The following FTO variants were observed in gnomAD, a reference collection of about 807,000 sequenced individuals.
FTO encodes FTO alpha-ketoglutarate dependent dioxygenase, also known as alpha-ketoglutarate-dependent dioxygenase FTO.
Under a neutral mutation model 63.9 loss-of-function variants are expected in FTO, and 47 were observed. The observed-to-expected ratio is 0.74, with a 90% CI of 0.58 to 0.94. The LOEUF is 0.94. Among genes scored for constraint, FTO ranks in the 40% least tolerant of loss-of-function variants. FTO has a pLI of 0.00. For synonymous variants in FTO, 207 were observed against 224.4 expected, an observed-to-expected ratio of 0.92 and a Z score of 0.69; for missense variants, 562 against 618.1, an observed-to-expected ratio of 0.91 and a Z score of 0.96.
intron 1 of FTO, among the ~76,000 whole-genome samples, chr16:53,808,235 G>T (rs1313732231): frequency 6.6e-6 from 1 of 151,964 alleles, no homozygotes; most frequent in African/African-American, 2.4e-5. Context: ...TTGCGAGGCT[G>T]AGTTGGGAGA....
chr16:53,951,703 T>A (rs1445578201), intron 8 of FTO, among the ~76,000 whole-genome samples: 4 of 152,202 alleles, frequency 2.6e-5, no homozygotes, highest in Non-Finnish European at 5.9e-5. Context: ...CAAAAACTGA[T>A]TCCTCCTGTC....
chr16:54,048,124 ATT>A (rs1299654856), intron 8 of FTO, among the ~76,000 whole-genome samples: 27 of 100,130 alleles, frequency 2.7e-4, no homozygotes, highest in East Asian at 9.3e-4. Context: ...AAAAAAAAAA[ATT>A]AAAAAAAAAA....
chr16:54,108,377 C>T (rs1423402656), intron 8 of FTO, among the ~76,000 whole-genome samples: 1 of 152,130 alleles, frequency 6.6e-6, no homozygotes, highest in Non-Finnish European at 1.5e-5. Flanking sequence ...AACATTTTAG[C>T]CTGACACTGG....
chr16:53,785,773 G>A (rs2077718803), intron 1 of FTO, among the ~76,000 whole-genome samples: 1 of 152,026 alleles, frequency 6.6e-6, no homozygotes, highest in Non-Finnish European at 1.5e-5. Flanking sequence ...AGCTGGGCGT[G>A]GTGACATGCG....
chr16:53,781,976 T>TA (rs1339510889), intron 1 of FTO, among the ~76,000 whole-genome samples: 4 of 152,160 alleles, frequency 2.6e-5, no homozygotes, highest in African/African-American at 7.2e-5. Flanking sequence ...ATATGACAAT[T>TA]AAAGAGAGAG....
Position 53,909,532 on chromosome 16 carries a change from C to CTTTTT in FTO, c.1239+20607_1239+20611dup, listed in dbSNP as rs58121446. The stretch of plus-strand genomic sequence containing the variant: ...GAAAAAGAGGGACAGAGAGCCCCGC[C>CTTTTT]TTTTTTTTTTTTTTTTTTTTTTTTT... On this transcript the variant is annotated intron_variant, in intron 7 of 8. Coordinates refer to ENST00000471389, the MANE Select transcript of FTO (RefSeq NM_001080432.3). Among the ~76,000 whole-genome samples, 129 of 71,176 alleles carry CTTTTT rather than the reference C, an allele frequency of 1.8e-3. 7 individuals carry two copies. The highest frequency in any genetic ancestry group is 8.3e-3 in the African/African-American group (120 of 14,538). The allele number at this position is 71,176 out of a possible 152,430, so 46.7% of individuals were successfully genotyped here. A position where few individuals can be genotyped will look rare whatever the true frequency, so the allele number is the denominator to read the frequency against.
At chr16:53,925,039 CTTCTTTTTTTTCTTTCT>C (rs2082104809) in intron 7 of FTO, among the ~76,000 whole-genome samples, 2 of 143,296 alleles carry the variant, frequency 1.4e-5, no homozygotes, top group South Asian at 2.2e-4. Context: ...CTGTGCCTTT[CTTCTTTTTTTTCTTTCT>C]TTCTTTTTTT....
chr16:53,857,422 A>G (rs1030433234), intron 4 of FTO, among the ~76,000 whole-genome samples: 1 of 149,248 alleles, frequency 6.7e-6, no homozygotes, highest in African/African-American at 2.5e-5. Context: ...TACTACTACT[A>G]AGCTTTTTGA....
At chr16:53,849,729 TG>T (rs1324339864) in intron 4 of FTO, among the ~76,000 whole-genome samples, 1 of 152,220 alleles carries the variant, frequency 6.6e-6, no homozygotes, top group East Asian at 1.9e-4. Flanking sequence ...TAAATTGCCA[TG>T]CTTCTGTTTT....
intron 1 of FTO, among the ~76,000 whole-genome samples, chr16:53,719,253 C>CTTTTTTTTTTTTTTTTTTTTTTTTTTTT (rs10527186): frequency 1.5e-5 from 2 of 135,650 alleles, no homozygotes; most frequent in Admixed American, 7.2e-5. Context: ...TCTTCTTCTT[C>CTTTTTTTTTTTTTTTTTTTTTTTTTTTT]TTTTTTTTTT....
intron 1 of FTO, among the ~76,000 whole-genome samples, chr16:53,707,360 C>T (rs1242264999): frequency 6.6e-6 from 1 of 152,164 alleles, no homozygotes; most frequent in Non-Finnish European, 1.5e-5. Flanking sequence ...TAAAAGGATG[C>T]CAGTCATTGG....
chr16:53,740,918 G>A (rs979199746), intron 1 of FTO, among the ~76,000 whole-genome samples: 80 of 152,106 alleles, frequency 5.3e-4, no homozygotes, highest in African/African-American at 1.9e-3. Flanking sequence ...TAATCACTCC[G>A]GACATTTTGG....
intron 7 of FTO, among the ~76,000 whole-genome samples, chr16:53,930,425 G>A (rs1480077232): frequency 2.0e-5 from 3 of 151,486 alleles, no homozygotes; most frequent in Non-Finnish European, 2.9e-5. Flanking sequence ...GGGTTTCACC[G>A]TGTTAGCCAG....
At chr16:53,864,455 A>G (rs979384291) in intron 4 of FTO, among the ~76,000 whole-genome samples, 26 of 152,160 alleles carry the variant, frequency 1.7e-4, no homozygotes, top group African/African-American at 5.1e-4. Flanking sequence ...GTGAACATGA[A>G]TTGGTTACCC....
intron 8 of FTO, among the ~76,000 whole-genome samples, chr16:54,014,947 C>T (rs2084404508): frequency 6.6e-6 from 1 of 151,198 alleles, no homozygotes; most frequent in Admixed American, 6.6e-5. Flanking sequence ...CCTCCAACTC[C>T]TAGCCCCAAG....
intron 1 of FTO, among the ~76,000 whole-genome samples, chr16:53,748,661 G>A (rs997789973): frequency 1.8e-4 from 27 of 152,144 alleles, no homozygotes; most frequent in African/African-American, 5.6e-4. Flanking sequence ...TCGCCATGTT[G>A]GCCAGGCTGG....
At chr16:53,940,726 A>T (rs961231539) in intron 8 of FTO, among the ~76,000 whole-genome samples, 13 of 152,222 alleles carry the variant, frequency 8.5e-5, no homozygotes, top group African/African-American at 2.7e-4. Context: ...TTTCTTCGAA[A>T]AGCTTTTAGA....
At chr16:53,762,370 TG>T (rs2077092169) in intron 1 of FTO, among the ~76,000 whole-genome samples, 1 of 152,156 alleles carries the variant, frequency 6.6e-6, no homozygotes, top group Non-Finnish European at 1.5e-5. Context: ...TTTCTGTGAG[TG>T]CTTACTGACC....
intron 1 of FTO, among the ~76,000 whole-genome samples, chr16:53,772,096 TTGTG>T (rs2077353698): frequency 6.6e-6 from 1 of 152,036 alleles, no homozygotes; most frequent in South Asian, 2.1e-4. Flanking sequence ...AAGGGGAAAA[TTGTG>T]TGGTATGTTA....
Sources: allele counts gnomAD v4.1 joint callset (sites outside exome capture counted in the v4.1 genomes callset), GRCh38; gene constraint gnomAD v4.1.1; transcripts MANE v1.5; gene names NCBI Gene and HGNC (gene_info 2026-07-23, HGNC 2026-07-21).